The following SLC10A7 variants were observed in gnomAD, a reference collection of about 807,000 sequenced individuals.
SLC10A7 encodes the protein sodium/bile acid cotransporter 7.
In SLC10A7, 29 loss-of-function variants were observed where a neutral mutation model predicts 43.2. The ratio of observed to expected loss-of-function variants is 0.67; its 90% CI spans 0.50 to 0.92. The LOEUF (loss-of-function observed/expected upper bound fraction) is 0.92. Among genes scored for constraint, SLC10A7 ranks in the 40% least tolerant of loss-of-function variants. The pLI is 0.00. For synonymous variants in SLC10A7, 152 were observed against 144.8 expected, an observed-to-expected ratio of 1.05 and a Z score of -0.35; for missense variants, 295 against 403.2, an observed-to-expected ratio of 0.73 and a Z score of 2.30.
chr4:146,485,118 AC>A (rs1734800567), intron 4 of SLC10A7, among the ~76,000 whole-genome samples: 1 of 152,228 alleles, frequency 6.6e-6, no homozygotes, highest in African/African-American at 2.4e-5. Context: ...ACTTAGGATA[AC>A]CAAACCAACT....
At position 146,286,725 on chromosome 4, in the gene SLC10A7, A is replaced by AGTTTGGAGTGGTGAGAAGGACTGT. The variant is rs1560764080; in HGVS notation, c.774-3484_774-3461dup. 2.6e-3 allele frequency among the ~76,000 whole-genome samples: 220 copies of AGTTTGGAGTGGTGAGAAGGACTGT among 83,104 alleles called. 5 individuals are homozygous for AGTTTGGAGTGGTGAGAAGGACTGT. Among genetic ancestry groups the AGTTTGGAGTGGTGAGAAGGACTGT allele is most frequent in the East Asian group, 0.022 (45 of 2,058 alleles). The allele number at this position is 83,104 out of a possible 152,430, so 54.5% of individuals were successfully genotyped here. On this transcript the variant is annotated intron_variant, in intron 9 of 11. Transcript: ENST00000335472. ...GTGTCTGGAGTGGTGAGAAGGACTGAGTTTGGAGTGGTGAGAAGGACTGTG... is the reference window on the plus strand; with the variant it reads ...GTGTCTGGAGTGGTGAGAAGGACTGAGTTTGGAGTGGTGAGAAGGACTGTGTTTGGAGTGGTGAGAAGGACTGTG...
intron 5 of SLC10A7, among the ~76,000 whole-genome samples, chr4:146,337,406 C>T (rs1295274485): frequency 6.6e-6 from 1 of 151,938 alleles, no homozygotes; most frequent in African/African-American, 2.4e-5. Flanking sequence ...TTATTAGTAG[C>T]ACTGCAAACA....
intron 5 of SLC10A7, among the ~76,000 whole-genome samples, chr4:146,393,191 CAA>C (rs765135958): frequency 7.7e-3 from 324 of 42,010 alleles, no homozygotes; most frequent in South Asian, 0.021. Flanking sequence ...GGCCCTGTCT[CAA>C]AAAAAAAAAA....
At chr4:146,297,714 AATAT>A (rs1226223803) in intron 7 of SLC10A7, among the ~76,000 whole-genome samples, 10 of 152,174 alleles carry the variant, frequency 6.6e-5, no homozygotes, top group Non-Finnish European at 1.5e-4. Context: ...ATCCTGTTTT[AATAT>A]ATAGTCAGAG....
chr4:146,359,581 G>C (rs1286867007), intron 5 of SLC10A7, among the ~76,000 whole-genome samples: 1 of 152,000 alleles, frequency 6.6e-6, no homozygotes, highest in Admixed American at 6.5e-5. Flanking sequence ...GGTGTTAAGG[G>C]GTGACAGTAA....
intron 5 of SLC10A7, among the ~76,000 whole-genome samples, chr4:146,379,959 C>CTGTG (rs869182731): frequency 3.7e-4 from 30 of 80,434 alleles, no homozygotes; most frequent in African/African-American, 1.1e-3. Context: ...CTCTCTCTCT[C>CTGTG]TGTGTGTGTG....
chr4:146,280,663 G>A (rs1299272211), intron 10 of SLC10A7, among the ~76,000 whole-genome samples: 3 of 152,132 alleles, frequency 2.0e-5, no homozygotes. Flanking sequence ...TTGTGAAAAT[G>A]GATACAGTAA....
chr4:146,352,564 C>A (rs1350575076), intron 5 of SLC10A7, among the ~76,000 whole-genome samples: 2 of 150,886 alleles, frequency 1.3e-5, no homozygotes, highest in East Asian at 1.9e-4. Flanking sequence ...ACTCTCCACC[C>A]CAAATCAACA....
At chr4:146,268,984 T>C (rs921608974) in intron 10 of SLC10A7, among the ~76,000 whole-genome samples, 21 of 152,322 alleles carry the variant, frequency 1.4e-4, no homozygotes, top group Non-Finnish European at 8.8e-5. Flanking sequence ...ATAAAGGTGC[T>C]TATTACTTGG....
At chr4:146,382,927 G>T (rs111287190) in intron 5 of SLC10A7, among the ~76,000 whole-genome samples, 3 of 151,812 alleles carry the variant, frequency 2.0e-5, no homozygotes, top group African/African-American at 4.8e-5. Context: ...GGGGTGGGGG[G>T]TGCAGAATAT....
chr4:146,509,418 T>C (rs1294512166), intron 3 of SLC10A7, among the ~76,000 whole-genome samples: 3 of 152,202 alleles, frequency 2.0e-5, no homozygotes, highest in Non-Finnish European at 2.9e-5. Context: ...AAAACTTTGC[T>C]CAAAGTCACA....
intron 3 of SLC10A7, among the ~76,000 whole-genome samples, chr4:146,504,286 G>A (rs1257335535): frequency 2.0e-5 from 3 of 152,104 alleles, no homozygotes; most frequent in Non-Finnish European, 4.4e-5. Context: ...TTGGGAGGCC[G>A]AGATGGGCAG....
intron 10 of SLC10A7, among the ~76,000 whole-genome samples, chr4:146,276,512 T>C (rs1486078045): frequency 1.3e-5 from 2 of 152,224 alleles, no homozygotes; most frequent in Non-Finnish European, 2.9e-5. Flanking sequence ...TGAAAATGTG[T>C]TGAGTAAATC....
chr4:146,416,139 A>G (rs1421187240), intron 5 of SLC10A7, among the ~76,000 whole-genome samples: 1 of 152,208 alleles, frequency 6.6e-6, no homozygotes, highest in East Asian at 1.9e-4. Flanking sequence ...GCTTAGAGCA[A>G]GGGAGATGCC....
chr4:146,488,807 A>T (rs1258178895), intron 4 of SLC10A7, among the ~76,000 whole-genome samples: 1 of 152,202 alleles, frequency 6.6e-6, no homozygotes, highest in East Asian at 1.9e-4. Context: ...GTGTATCTTA[A>T]TTTTTTTATA....
chr4:146,383,001 A>C (rs532255663), intron 5 of SLC10A7, among the ~76,000 whole-genome samples: 2 of 151,948 alleles, frequency 1.3e-5, no homozygotes. Context: ...CTCCTCATGC[A>C]TGGCTCCCCG....
chr4:146,430,881 G>A lies in SLC10A7; in HGVS notation c.435+11902C>T, dbSNP rs539601147. 1.1e-4 allele frequency among the ~76,000 whole-genome samples: 17 copies of A among 152,054 alleles called. No individual in the cohort carries two copies. In the South Asian group the frequency reaches 3.5e-3, roughly 32 times the overall value. ...TTTTTTCCCCTGATCAGTGCAGCTC[G>A]TTCAATTACCAAAAGTTAAAATCAA... On this transcript the variant is annotated intron_variant, in intron 5 of 11. Coordinates refer to ENST00000335472, the MANE Select transcript of SLC10A7 (RefSeq NM_001029998.6).
In SLC10A7 at chr4:146,406,698, C is replaced by T. The variant is rs979028319; in HGVS notation, c.435+36085G>A. ...GATCCTTCCTTAAGAGTTTATTGTGCGTGGCCAGGCGCAGTGGCTCACTTC... is the reference window on the plus strand; with the variant it reads ...GATCCTTCCTTAAGAGTTTATTGTGTGTGGCCAGGCGCAGTGGCTCACTTC... On this transcript the variant is annotated intron_variant, in intron 5 of 11. Coordinates refer to ENST00000335472, the MANE Select transcript of SLC10A7 (RefSeq NM_001029998.6). Among the ~76,000 whole-genome samples the T allele has an allele frequency of 6.6e-5, 10 of 152,102 alleles. No homozygotes were observed. In the East Asian group the frequency reaches 1.2e-3, roughly 18 times the overall value.
intron 5 of SLC10A7, among the ~76,000 whole-genome samples, chr4:146,433,048 C>A (rs370640392): frequency 3.3e-5 from 5 of 150,950 alleles, no homozygotes; most frequent in African/African-American, 4.9e-5. Context: ...AAAAAAAAAT[C>A]TGAATTTGTC....
Sources: gnomAD v4.1 joint callset for allele counts (sites outside exome capture counted in the v4.1 genomes callset) on GRCh38, gnomAD v4.1.1 for gene constraint, MANE v1.5 for transcripts, NCBI Gene and HGNC (gene_info 2026-07-23, HGNC 2026-07-21) for gene names.